The following KIAA0319 variants were observed in gnomAD, a reference collection of about 807,000 sequenced individuals.
KIAA0319 encodes the protein KIAA0319, also known as dyslexia-associated protein KIAA0319.
In KIAA0319, 83 loss-of-function variants were observed where a neutral mutation model predicts 108.4. The observed-to-expected ratio is 0.77, with a 90% CI of 0.64 to 0.92. The LOEUF (loss-of-function observed/expected upper bound fraction) is 0.92. KIAA0319 is among the 40% of genes least tolerant of loss of function. The pLI, the probability that KIAA0319 is intolerant of heterozygous loss-of-function variation, is 0.00. For synonymous variants in KIAA0319, 484 were observed against 510.4 expected, an observed-to-expected ratio of 0.95 and a Z score of 0.70; for missense variants, 1,195 against 1,322.4, an observed-to-expected ratio of 0.90 and a Z score of 1.49.
chr6:24,587,821 C>T (rs1767781753), intron 4 of KIAA0319, among the ~76,000 whole-genome samples: 1 of 152,122 alleles, frequency 6.6e-6, no homozygotes, highest in African/African-American at 2.4e-5. Context: ...AACTCCTGAC[C>T]TCATGATCTG....
At position 24,546,906 on chromosome 6, in the gene KIAA0319, C is replaced by T. The variant is rs1760703115; in HGVS notation, c.*259G>A. 1 of 340,158 alleles carries T rather than the reference C, an allele frequency of 2.9e-6. No individual in the cohort carries two copies. The highest frequency in any genetic ancestry group is 5.1e-5 in the East Asian group (1 of 19,646). The allele number at this position is 340,158 out of a possible 1,614,324, so 21.1% of individuals were successfully genotyped here. On this transcript the variant is annotated 3_prime_UTR_variant, in exon 21 of 21. Coordinates refer to ENST00000378214, the MANE Select transcript of KIAA0319 (RefSeq NM_014809.4). ...CTTTAATATGAGATTGTGCCAGCTACAAAAACTCAAAACTCTTTTAAGTAT... is the reference window on the plus strand; with the variant it reads ...CTTTAATATGAGATTGTGCCAGCTATAAAAACTCAAAACTCTTTTAAGTAT...
rs972730644 is a variant in KIAA0319, at chr6:24,546,362, G to A, written c.*803C>T. ...ATTAATCACTTCTATTGCATTTAAT[G>A]TAAACTGGGGATCCGTTTACATTAG... On this transcript the variant is annotated 3_prime_UTR_variant, in exon 21 of 21. Transcript: ENST00000378214. 3 of 151,964 alleles carry A rather than the reference G, an allele frequency of 2.0e-5. No homozygotes were observed. Among genetic ancestry groups the A allele is most frequent in the Non-Finnish European group, 4.4e-5 (3 of 68,016 alleles). The allele number at this position is 151,964 out of a possible 1,614,324, so 9.4% of individuals were successfully genotyped here. A position where few individuals can be genotyped will look rare whatever the true frequency, so the allele number is the denominator to read the frequency against.
intron 16 of KIAA0319, among the ~76,000 whole-genome samples, chr6:24,559,398 A>G (rs970552624): frequency 1.3e-5 from 2 of 152,246 alleles, no homozygotes; most frequent in African/African-American, 4.8e-5. Flanking sequence ...CAATGTGTAA[A>G]TTATGTATCA....
rs890623665 is a variant in KIAA0319 at position 24,563,400 on chromosome 6, C to T, written c.2550G>A (p.Ser850=). 1.5e-5 allele frequency: 24 copies of T among 1,613,682 alleles called. No homozygotes were observed. Among genetic ancestry groups the T allele is most frequent in the African/African-American group, 4.0e-5 (3 of 75,048 alleles). The change falls in exon 16 of 21, where the codon TCG becomes TCA. Residue 850 remains serine, a synonymous_variant. Transcript: ENST00000378214. ...CCCGAATCTTCTGGACCTTAATGTC[C>T]GAGTCCAGCACGTTCAGCAGCACAG... ...QLAVLLNVLD[S]DIKVQKIRAH...
intron 10 of KIAA0319, among the ~76,000 whole-genome samples, chr6:24,575,896 T>C (rs1302211097): frequency 6.6e-6 from 1 of 152,164 alleles, no homozygotes; most frequent in Admixed American, 6.5e-5. Context: ...TATTATGTTG[T>C]TAGACAAATA....
chr6:24,636,878 T>A (rs1323901214), intron 1 of KIAA0319, among the ~76,000 whole-genome samples: 2 of 151,854 alleles, frequency 1.3e-5, no homozygotes, highest in Non-Finnish European at 2.9e-5. Context: ...GCAGAAAAAA[T>A]AGCTGACACC....
chr6:24,630,710 T>TATATATATATATAC (rs373537245), intron 1 of KIAA0319, among the ~76,000 whole-genome samples: 4 of 138,688 alleles, frequency 2.9e-5, no homozygotes, highest in Non-Finnish European at 4.5e-5. Context: ...TATACACATA[T>TATATATATATATAC]ACACACAAAC....
At chr6:24,614,279 C>T (rs1165763002) in intron 1 of KIAA0319, among the ~76,000 whole-genome samples, 1 of 152,104 alleles carries the variant, frequency 6.6e-6, no homozygotes, top group Non-Finnish European at 1.5e-5. Flanking sequence ...CTCTTCGCCT[C>T]CCGGTCTTCT....
intron 20 of KIAA0319, among the ~76,000 whole-genome samples, chr6:24,551,132 C>T (rs1277564618): frequency 1.3e-5 from 2 of 148,680 alleles, no homozygotes; most frequent in African/African-American, 2.5e-5. Flanking sequence ...GCGCACACCA[C>T]CACGCCCGGC....
At chr6:24,541,404 T>C (rs565240507), downstream of KIAA0319, among the ~76,000 whole-genome samples, 1 of 152,278 alleles carries the variant, frequency 6.6e-6, no homozygotes, top group South Asian at 2.1e-4. Flanking sequence ...ATTTTACTCA[T>C]TTTAACTTAA....
At chr6:24,551,561 T>C in intron 19 of KIAA0319, 36 bp from the exon 20 acceptor site, 1 of 1,391,362 alleles carries the variant, frequency 7.2e-7, no homozygotes, top group Non-Finnish European at 1.0e-6. Flanking sequence ...CTCAGATCTT[T>C]AGAAAGGTAA....
chr6:24,640,292 G>A (rs9358785), intron 1 of KIAA0319, among the ~76,000 whole-genome samples: 106,526 of 151,682 alleles, frequency 0.7, 37,963 homozygotes, highest in East Asian at 0.87. Flanking sequence ...GGGAAATAGA[G>A]ATGAGATGAG....
chr6:24,606,361 C>A (rs1406831525), intron 1 of KIAA0319, among the ~76,000 whole-genome samples: 1 of 152,212 alleles, frequency 6.6e-6, no homozygotes, highest in Non-Finnish European at 1.5e-5. Flanking sequence ...CAGCTGAATT[C>A]TTTCCCTTCT....
At chr6:24,635,462 A>C (rs1776081287) in intron 1 of KIAA0319, among the ~76,000 whole-genome samples, 1 of 152,124 alleles carries the variant, frequency 6.6e-6, no homozygotes, top group South Asian at 2.1e-4. Flanking sequence ...TTATTTCAGC[A>C]TAGTGAATTT....
At chr6:24,635,263 C>T (rs1303637155) in intron 1 of KIAA0319, among the ~76,000 whole-genome samples, 1 of 152,074 alleles carries the variant, frequency 6.6e-6, no homozygotes, top group African/African-American at 2.4e-5. Context: ...CGCCACCACA[C>T]CCAACTAATT....
chr6:24,559,646 T>C (rs1762824611), intron 16 of KIAA0319, among the ~76,000 whole-genome samples: 1 of 151,642 alleles, frequency 6.6e-6, no homozygotes, highest in Admixed American at 6.6e-5. Context: ...AATGTATAAA[T>C]GTGTGCAAAA....
In KIAA0319 at chr6:24,599,472, T is replaced by G; in HGVS notation, c.55+1577A>C. 1 of 556,510 alleles carries G rather than the reference T, an allele frequency of 1.8e-6. No individual in the cohort carries two copies. Among genetic ancestry groups the G allele is most frequent in the Non-Finnish European group, 3.5e-6 (1 of 289,500 alleles). The allele number at this position is 556,510 out of a possible 1,614,324, so 34.5% of individuals were successfully genotyped here. On this transcript the variant is annotated intron_variant, in intron 2 of 20. Transcript: ENST00000378214. This position sits in a 1 kb window ranked among gnomAD's most constrained non-coding sequence, Gnocchi z 4.1. Reference sequence around the variant, plus strand: ...GGACATGGCATGGCAGCTGCATGAGTACCAGGAGCTGATGATCATCAAGCC... The same window carrying G: ...GGACATGGCATGGCAGCTGCATGAGGACCAGGAGCTGATGATCATCAAGCC...
At chr6:24,642,776 T>C (rs953728304) in intron 1 of KIAA0319, among the ~76,000 whole-genome samples, 1 of 152,018 alleles carries the variant, frequency 6.6e-6, no homozygotes, top group Non-Finnish European at 1.5e-5. Context: ...TGGAGTGCAG[T>C]GAGGCAATCT....
At chr6:24,620,164 C>A (rs572483617) in intron 1 of KIAA0319, among the ~76,000 whole-genome samples, 1 of 152,178 alleles carries the variant, frequency 6.6e-6, no homozygotes, top group Non-Finnish European at 1.5e-5. Context: ...AACTGCTTCA[C>A]AAATTTTTTT....
Sources: gnomAD v4.1 joint callset for allele counts (sites outside exome capture counted in the v4.1 genomes callset) on GRCh38, gnomAD v4.1.1 for gene constraint, Gnocchi (gnomAD v3.1) non-coding constraint, MANE v1.5 for transcripts, NCBI Gene and HGNC (gene_info 2026-07-23, HGNC 2026-07-21) for gene names.